HEMK2: variants seen among roughly 807,000 people sequenced by gnomAD.
The protein encoded by HEMK2 is HemK methyltransferase 2, ETF1 glutamine and histone H4 lysine.
chr21:28,786,956 G>A, the HEMK2 span, among the ~76,000 whole-genome samples: 3 of 152,054 alleles, frequency 2.0e-5, no homozygotes, highest in African/African-American at 7.2e-5. Context: ...CCAAAAAAGA[G>A]CCCACAGAGC....
At chr21:28,581,605 T>C in the HEMK2 span, among the ~76,000 whole-genome samples, 3 of 152,198 alleles carry the variant, frequency 2.0e-5, no homozygotes, top group South Asian at 2.1e-4. Flanking sequence ...TCCTGAGCAA[T>C]TTCTCCCTAA....
the HEMK2 span, among the ~76,000 whole-genome samples, chr21:28,840,859 G>A: frequency 2.7e-5 from 4 of 149,536 alleles, no homozygotes; most frequent in Admixed American, 2.0e-4. Context: ...TATCTACCCA[G>A]AGGAAAAGAA....
chr21:28,692,506 C>T, the HEMK2 span, among the ~76,000 whole-genome samples: 1 of 151,882 alleles, frequency 6.6e-6, no homozygotes, highest in African/African-American at 2.4e-5. Flanking sequence ...TATTTTGATA[C>T]CATTTTCTCT....
chr21:28,668,250 T>C, the HEMK2 span, among the ~76,000 whole-genome samples: 11 of 152,346 alleles, frequency 7.2e-5, no homozygotes, highest in South Asian at 2.1e-4. Context: ...TGTGCTGTTA[T>C]TGGATGTATC....
the HEMK2 span, among the ~76,000 whole-genome samples, chr21:28,651,036 C>G: frequency 1.3e-5 from 2 of 151,964 alleles, no homozygotes; most frequent in South Asian, 4.2e-4. Context: ...GGAGAGGAGA[C>G]CGTAGTTGGA....
chr21:28,668,020 G>A, the HEMK2 span, among the ~76,000 whole-genome samples: 34 of 152,132 alleles, frequency 2.2e-4, no homozygotes, highest in Non-Finnish European at 4.7e-4. Context: ...GAAGTCCTTT[G>A]GGGGAAAATT....
chr21:28,737,190 T>C, the HEMK2 span, among the ~76,000 whole-genome samples: 1 of 152,190 alleles, frequency 6.6e-6, no homozygotes, highest in Non-Finnish European at 1.5e-5. Flanking sequence ...AGTGGTACAA[T>C]CTCAGCTCAC....
At chr21:28,695,596 A>G in the HEMK2 span, among the ~76,000 whole-genome samples, 19 of 152,134 alleles carry the variant, frequency 1.2e-4, no homozygotes, top group Non-Finnish European at 2.8e-4. Flanking sequence ...CACTACCATG[A>G]GAACCGCCCC....
the HEMK2 span, among the ~76,000 whole-genome samples, chr21:28,590,041 G>A: frequency 6.6e-6 from 1 of 152,206 alleles, no homozygotes; most frequent in African/African-American, 2.4e-5. Context: ...AAAATGGCAT[G>A]TATGGAGGCT....
the HEMK2 span, chr21:28,882,277 T>C: frequency 1.3e-6 from 2 of 1,556,178 alleles, no homozygotes; most frequent in Non-Finnish European, 8.9e-7. Context: ...AAGGAAACTA[T>C]ATCCTATGTC....
At chr21:28,727,930 A>C in the HEMK2 span, among the ~76,000 whole-genome samples, 1 of 152,230 alleles carries the variant, frequency 6.6e-6, no homozygotes. Context: ...GTGTGTATGC[A>C]TACACATAAT....
chr21:28,736,812 A>G, the HEMK2 span, among the ~76,000 whole-genome samples: 2 of 151,356 alleles, frequency 1.3e-5, no homozygotes, highest in Admixed American at 1.3e-4. Flanking sequence ...AAAAAAGATG[A>G]GACAGGCAGG....
At chr21:28,734,499 A>G in the HEMK2 span, among the ~76,000 whole-genome samples, 3 of 152,232 alleles carry the variant, frequency 2.0e-5, no homozygotes, top group Non-Finnish European at 4.4e-5. Context: ...GCTCCTGATC[A>G]TAGAAAGAAG....
At chr21:28,576,258 C>G in the HEMK2 span, among the ~76,000 whole-genome samples, 5 of 152,106 alleles carry the variant, frequency 3.3e-5, no homozygotes, top group Non-Finnish European at 1.5e-5. Flanking sequence ...TACTGTCAGC[C>G]CTTTTAATTT....
the HEMK2 span, among the ~76,000 whole-genome samples, chr21:28,700,866 T>C: frequency 1.2e-4 from 18 of 151,686 alleles, no homozygotes; most frequent in South Asian, 3.1e-3. Context: ...TTTAGGACAA[T>C]ATCCCTGATG....
chr21:28,700,066 G>A, the HEMK2 span, among the ~76,000 whole-genome samples: 1 of 152,160 alleles, frequency 6.6e-6, no homozygotes, highest in Non-Finnish European at 1.5e-5. Context: ...CCAACACAGT[G>A]TTTGAGACTT....
the HEMK2 span, among the ~76,000 whole-genome samples, chr21:28,877,807 A>G: frequency 6.6e-6 from 1 of 152,202 alleles, no homozygotes; most frequent in Non-Finnish European, 1.5e-5. Flanking sequence ...AATCTATACA[A>G]TTAAATAGCT....
the HEMK2 span, among the ~76,000 whole-genome samples, chr21:28,617,464 T>C: frequency 6.6e-6 from 1 of 152,228 alleles, no homozygotes; most frequent in African/African-American, 2.4e-5. Flanking sequence ...TCACACCTCA[T>C]AAGTACTTAC....
chr21:28,590,287 C>T, the HEMK2 span, among the ~76,000 whole-genome samples: 14 of 152,174 alleles, frequency 9.2e-5, no homozygotes, highest in African/African-American at 2.9e-4. Context: ...AAACTGGACA[C>T]CAGTGTAAGC....
Sources: gnomAD v4.1 joint callset for allele counts (sites outside exome capture counted in the v4.1 genomes callset) on GRCh38, gnomAD v4.1.1 for gene constraint, MANE v1.5 for transcripts, NCBI Gene and HGNC (gene_info 2026-07-23, HGNC 2026-07-21) for gene names.